Variants in PYHIN1 observed in about 807,000 individuals in gnomAD.
The protein encoded by PYHIN1 is pyrin and HIN domain-containing protein 1.
Under a neutral mutation model 43.7 loss-of-function variants are expected in PYHIN1, and 32 were observed. The ratio of observed to expected loss-of-function variants is 0.73; its 90% CI spans 0.55 to 0.98. PYHIN1 has a LOEUF of 0.98. Among genes scored for constraint, PYHIN1 ranks in the 50% least tolerant of loss-of-function variants. The probability of loss-of-function intolerance (pLI) is 0.00; values close to 1 mark genes in which losing one functional copy is unlikely to be tolerated. For missense variants in PYHIN1, 588 were observed against 589.5 expected, an observed-to-expected ratio of 1.00 and a Z score of 0.03; for synonymous variants, 205 against 203.1, an observed-to-expected ratio of 1.01 and a Z score of -0.08.
intron 7 of PYHIN1, among the ~76,000 whole-genome samples, chr1:158,954,643 A>T (rs1475773182): frequency 6.7e-6 from 1 of 148,590 alleles, no homozygotes; most frequent in Non-Finnish European, 1.5e-5. Flanking sequence ...GCCGCTGCAA[A>T]ATCATGCCAA....
intron 5 of PYHIN1, among the ~76,000 whole-genome samples, chr1:158,942,711 A>C (rs1407986395): frequency 1.3e-5 from 2 of 152,362 alleles, no homozygotes; most frequent in Middle Eastern, 3.4e-3. Context: ...ATCTAGATCC[A>C]TACAAACATA....
chr1:158,939,880 G>C (rs1235046148), intron 4 of PYHIN1: 1 of 226,768 alleles, frequency 4.4e-6, no homozygotes, highest in Non-Finnish European at 8.6e-6. Flanking sequence ...CTGTAAACGA[G>C]GGCCTAGTTC....
At chr1:158,974,093 C>A (rs1651103650) in intron 8 of PYHIN1, among the ~76,000 whole-genome samples, 1 of 152,054 alleles carries the variant, frequency 6.6e-6, no homozygotes. Context: ...ATTCCAGTTT[C>A]CTTTCACAAT....
intron 2 of PYHIN1, among the ~76,000 whole-genome samples, chr1:158,937,581 T>G (rs1032874637): frequency 6.6e-6 from 1 of 152,204 alleles, no homozygotes; most frequent in East Asian, 1.9e-4. Flanking sequence ...AAGATAACAA[T>G]ACTTAAATGT....
chr1:158,978,205 T>C (rs977376559), downstream of PYHIN1, among the ~76,000 whole-genome samples: 1 of 152,076 alleles, frequency 6.6e-6, no homozygotes, highest in Non-Finnish European at 1.5e-5. Flanking sequence ...ATACCATGAA[T>C]AAGTTTTTTC....
Position 158,938,416 on chromosome 1 carries a change from C to T in PYHIN1, c.285C>T (p.Ser95=), listed in dbSNP as rs1447419847. Residue 95 remains serine (S), a synonymous_variant, in exon 3 of 9, where the codon TCC becomes TCT. Transcript: ENST00000368140. The part of the protein sequence containing the change: ...EKLKVANKIE[S]IPVKGIIPSK... ...CATTAGTTGCAAATAAAATTGAATC[C>T]ATTCCAGTCAAAGGAATAATCCCAT... 1 of 1,614,152 alleles carries T rather than the reference C, an allele frequency of 6.2e-7. No individual in the cohort carries two copies. Among genetic ancestry groups the T allele is most frequent in the East Asian group, 2.2e-5 (1 of 44,886 alleles).
At chr1:158,973,821 G>A (rs1041186451) in intron 8 of PYHIN1, 50 bp downstream of exon 8, 4 of 1,588,950 alleles carry the variant, frequency 2.5e-6, no homozygotes, top group Admixed American at 1.7e-5. Flanking sequence ...TAATTGTAGG[G>A]GTAATCAGAG....
Position 158,944,918 on chromosome 1 carries a change from T to C in PYHIN1, c.1235T>C (p.Met412Thr), listed in dbSNP as rs745507524. Residue 412 changes from methionine to threonine, a missense_variant, in exon 7 of 9, where the codon ATG becomes ACG. Transcript: ENST00000368140. ...TNQRSHDSRS[M>T]ALPQEQSQHP... Reference sequence around the variant, plus strand: ...CAGAGAAGCCATGACTCCAGGAGCATGGCACTACCCCAGGAACAGAGTCAG... The same window carrying C: ...CAGAGAAGCCATGACTCCAGGAGCACGGCACTACCCCAGGAACAGAGTCAG... The C allele has an allele frequency of 6.2e-7, 1 of 1,612,756 alleles. No homozygotes were observed. Among genetic ancestry groups the C allele is most frequent in the Non-Finnish European group, 8.5e-7 (1 of 1,179,350 alleles).
chr1:158,936,953 G>A lies in PYHIN1; in HGVS notation c.43G>A (p.Glu15Lys). 2 of 1,610,586 alleles carry A rather than the reference G, an allele frequency of 1.2e-6. No homozygotes were observed. The highest frequency in any genetic ancestry group is 1.7e-6 in the Non-Finnish European group (2 of 1,178,110). Residue 15 changes from glutamate to lysine, a missense_variant, in exon 2 of 9, where the codon GAG becomes AAG. By Grantham distance (56) the Glu-to-Lys change is moderately conservative. Transcript: ENST00000368140. ...GAAAATTGTTCTACTGAAAGGATTA[G>A]AGGTCATCAATGATTATCATTTTAG... Reference protein sequence around the residue: ...YKKIVLLKGLEVINDYHFRIV... With the variant: ...YKKIVLLKGLKVINDYHFRIV...
intron 4 of PYHIN1, among the ~76,000 whole-genome samples, chr1:158,940,543 A>T (rs1270885111): frequency 6.6e-6 from 1 of 152,202 alleles, no homozygotes; most frequent in Non-Finnish European, 1.5e-5. Context: ...GCCTTACTAT[A>T]TGCATGTATC....
chr1:158,945,021 A>G lies in PYHIN1; in HGVS notation c.1338A>G (p.Pro446=), dbSNP rs1375619345. The change falls in exon 7 of 9, where the codon CCA becomes CCG. Residue 446 remains proline (P), a synonymous_variant. Transcript: ENST00000368140. Reference sequence around the variant, plus strand: ...CTCCTCAGATGCCACCAACAACCCCATCCAGCAGTTCCTTCACCAAGGTAC... The same window carrying G: ...CTCCTCAGATGCCACCAACAACCCCGTCCAGCAGTTCCTTCACCAAGGTAC... ...LKTPQMPPTT[P]SSSSFTKKDE... is the part of the protein sequence containing the mutation. 5.6e-6 allele frequency: 9 copies of G among 1,613,344 alleles called. No homozygotes were observed. Among genetic ancestry groups the G allele is most frequent in the Non-Finnish European group, 6.8e-6 (8 of 1,179,596 alleles).
chr1:158,972,148 A>T (rs935814652), intron 7 of PYHIN1, among the ~76,000 whole-genome samples: 4 of 151,950 alleles, frequency 2.6e-5, no homozygotes, highest in Admixed American at 6.6e-5. Flanking sequence ...ATAAGATAGT[A>T]TCCTTTCAAA....
chr1:158,932,233 C>G (rs954169456), intron 1 of PYHIN1, among the ~76,000 whole-genome samples: 1 of 152,094 alleles, frequency 6.6e-6, no homozygotes, highest in Non-Finnish European at 1.5e-5. Flanking sequence ...CATGTTCTCA[C>G]TTATAAGTGG....
intron 7 of PYHIN1, among the ~76,000 whole-genome samples, chr1:158,969,833 A>C (rs760488092): frequency 7.2e-6 from 1 of 139,788 alleles, no homozygotes; most frequent in Non-Finnish European, 1.6e-5. Flanking sequence ...CATTCATAGG[A>C]ATTATTCTGC....
chr1:158,932,544 C>A (rs149434327), intron 1 of PYHIN1, among the ~76,000 whole-genome samples: 1 of 152,220 alleles, frequency 6.6e-6, no homozygotes, highest in African/African-American at 2.4e-5. Context: ...AGACATACAG[C>A]TGTATTTTAC....
chr1:158,976,900 A>C lies in PYHIN1; in HGVS notation c.*205A>C, dbSNP rs1651307977. 2 of 72,052 alleles carry C rather than the reference A, an allele frequency of 2.8e-5. No homozygotes were observed. Among genetic ancestry groups the C allele is most frequent in the African/African-American group, 6.2e-5 (1 of 16,116 alleles). 4.5% of individuals were successfully genotyped at this position (72,052 alleles called of 1,614,324 possible). A position where few individuals can be genotyped will look rare whatever the true frequency, so the allele number is the denominator to read the frequency against. On this transcript the variant is annotated 3_prime_UTR_variant, in exon 9 of 9. Transcript: ENST00000368140. Reference sequence around the variant, plus strand: ...TATATATATATATATATATATATATATATATATATATATATACCAGCTATT... The same window carrying C: ...TATATATATATATATATATATATATCTATATATATATATATACCAGCTATT...
intron 7 of PYHIN1, among the ~76,000 whole-genome samples, chr1:158,961,982 C>CT (rs1179545193): frequency 6.7e-6 from 1 of 148,234 alleles, no homozygotes; most frequent in African/African-American, 2.7e-5. Context: ...ACTCCAGCCA[C>CT]CCCCCTGCCT....
At chr1:158,989,739 A>C in the PYHIN1 span, among the ~76,000 whole-genome samples, 1 of 152,212 alleles carries the variant, frequency 6.6e-6, no homozygotes, top group Non-Finnish European at 1.5e-5. Context: ...CAGAGACATG[A>C]AACAATAAAT....
chr1:158,936,448 T>G (rs1392363315), intron 1 of PYHIN1, among the ~76,000 whole-genome samples: 1 of 151,964 alleles, frequency 6.6e-6, no homozygotes, highest in Non-Finnish European at 1.5e-5. Flanking sequence ...TGATGCTCAA[T>G]AGAATACTGG....
Sources: allele counts gnomAD v4.1 joint callset (sites outside exome capture counted in the v4.1 genomes callset), GRCh38; gene constraint gnomAD v4.1.1; transcripts MANE v1.5; gene names NCBI Gene and HGNC (gene_info 2026-07-23, HGNC 2026-07-21).